The following MTMR14 variants were observed in gnomAD, a reference collection of about 807,000 sequenced individuals.
MTMR14 encodes myotubularin related protein 14.
Under a neutral mutation model 86.3 loss-of-function variants are expected in MTMR14, and 48 were observed. The observed-to-expected ratio is 0.56, with a 90% CI of 0.44 to 0.71. MTMR14 has a LOEUF of 0.71. MTMR14 is among the 30% of genes least tolerant of loss of function. MTMR14 has a pLI of 0.00. For synonymous variants in MTMR14, 366 were observed against 326.1 expected (o/e 1.12, Z -1.32); for missense variants, 780 against 834.6 (o/e 0.93, Z 0.81).
At chr3:9,659,154 G>T (rs2047775977) in intron 2 of MTMR14, among the ~76,000 whole-genome samples, 1 of 152,162 alleles carries the variant, frequency 6.6e-6, no homozygotes, top group Non-Finnish European at 1.5e-5. Flanking sequence ...AGGATCACCT[G>T]AGCCCAGGAG....
In MTMR14 at chr3:9,702,007, C is replaced by G. The variant is rs1414169621; in HGVS notation, c.*34C>G. On this transcript the variant is annotated 3_prime_UTR_variant, in exon 19 of 19. Coordinates refer to ENST00000296003, the MANE Select transcript of MTMR14 (RefSeq NM_001077525.3). ...GCCCATGACATTTTCCTGCTCCTCT[C>G]TCAGCTGAGCCCTTAGCAGAGAATC... 4 of 1,612,854 alleles carry G rather than the reference C, an allele frequency of 2.5e-6. No individual in the cohort carries two copies. The highest frequency in any genetic ancestry group is 2.2e-5 in the East Asian group (1 of 44,888).
intron 1 of MTMR14, among the ~76,000 whole-genome samples, chr3:9,652,493 G>A (rs559213977): frequency 6.6e-6 from 1 of 152,090 alleles, no homozygotes; most frequent in East Asian, 1.9e-4. Flanking sequence ...TGGCTCACGC[G>A]TGTAATCCTA....
chr3:9,659,269 C>G (rs752831032), intron 2 of MTMR14, among the ~76,000 whole-genome samples: 2 of 152,106 alleles, frequency 1.3e-5, no homozygotes, highest in Non-Finnish European at 2.9e-5. Flanking sequence ...TAACATCTTG[C>G]CAGAAATTTC....
intron 2 of MTMR14, chr3:9,659,796 C>A: frequency 2.2e-6 from 1 of 456,694 alleles, no homozygotes; most frequent in South Asian, 1.5e-5. Flanking sequence ...CACTGGCCGA[C>A]CTAACAAGAA....
At chr3:9,656,218 C>T (rs1031427264) in intron 2 of MTMR14, among the ~76,000 whole-genome samples, 3 of 151,802 alleles carry the variant, frequency 2.0e-5, no homozygotes, top group Non-Finnish European at 4.4e-5. Context: ...AAAAGAGTGC[C>T]CATTTCACAA....
intron 18 of MTMR14, among the ~76,000 whole-genome samples, 193 bp downstream of exon 18, chr3:9,698,059 G>A (rs1268252404): frequency 2.0e-5 from 3 of 152,226 alleles, no homozygotes; most frequent in Non-Finnish European, 4.4e-5. Flanking sequence ...TGGTTTGTGT[G>A]TTCACTCTGC....
At chr3:9,679,078 G>A (rs146744442) in intron 9 of MTMR14, among the ~76,000 whole-genome samples, 23 of 152,346 alleles carry the variant, frequency 1.5e-4, no homozygotes, top group Middle Eastern at 3.4e-3. Flanking sequence ...GATCACCAAT[G>A]TCAGTACCCT....
intron 12 of MTMR14, 29 bp downstream of exon 12, chr3:9,684,993 G>A: frequency 1.2e-6 from 2 of 1,605,416 alleles, no homozygotes; most frequent in African/African-American, 2.7e-5. Context: ...TGGGTTTTGG[G>A]GCCTTAGTAA....
At chr3:9,660,139 A>G (rs2047840213) in intron 2 of MTMR14, among the ~76,000 whole-genome samples, 1 of 152,184 alleles carries the variant, frequency 6.6e-6, no homozygotes, top group Non-Finnish European at 1.5e-5. Flanking sequence ...ATTAATTGGT[A>G]CCAAGGTGCC....
chr3:9,653,732 T>C lies in MTMR14; in HGVS notation c.271T>C (p.Phe91Leu), dbSNP rs2047443337. 6.2e-7 allele frequency: 1 copy of C among 1,614,192 alleles called. No individual in the cohort carries two copies. Among genetic ancestry groups the C allele is most frequent in the Admixed American group, 1.7e-5 (1 of 60,006 alleles). The change falls in exon 2 of 19, where the codon TTC becomes CTC. Residue 91 changes from phenylalanine (F) to leucine (L), a missense_variant. Physicochemically the swap from Phe to Leu is conservative, Grantham distance 22. Coordinates refer to ENST00000296003, the MANE Select transcript of MTMR14 (RefSeq NM_001077525.3). Reference protein sequence around the residue: ...ICGHYPRHIVFLEYESSEKEK... With the variant: ...ICGHYPRHIVLLEYESSEKEK... ...TGGCCACTATCCCCGGCACATCGTGTTCCTGGAGTATGAGAGTTCTGAGAA... is the reference window on the plus strand; with the variant it reads ...TGGCCACTATCCCCGGCACATCGTGCTCCTGGAGTATGAGAGTTCTGAGAA...
intron 17 of MTMR14, among the ~76,000 whole-genome samples, chr3:9,697,095 C>A (rs1309877441): frequency 3.3e-5 from 5 of 152,210 alleles, no homozygotes; most frequent in African/African-American, 1.2e-4. Context: ...TCCCTCTGGG[C>A]ATAGCCACTG....
At chr3:9,685,391 A>G in intron 13 of MTMR14, 144 bp downstream of exon 13, 1 of 1,010,692 alleles carries the variant, frequency 9.9e-7, no homozygotes, top group Non-Finnish European at 1.5e-6. Context: ...CTCCTGAGGC[A>G]GCGTGGCAGG....
At chr3:9,672,495 A>C (rs908597349) in intron 6 of MTMR14, among the ~76,000 whole-genome samples, 190 bp from the exon 7 acceptor site, 5 of 152,224 alleles carry the variant, frequency 3.3e-5, no homozygotes, top group African/African-American at 1.2e-4. Flanking sequence ...CATGACCTCC[A>C]GCCGATGCAC....
At position 9,697,810 on chromosome 3, in the gene MTMR14, G is replaced by C; in HGVS notation, c.1713G>C (p.Leu571=). ...GCAGTATTCAGGAGCGGGCTGTCCT[G>C]CACACAGACTCCTCTCTCCCTTTCA... ...GCGSIQERAV[L]HTDSSLPFSF... The change falls in exon 18 of 19, where the codon CTG becomes CTC. Residue 571 remains leucine (L), a synonymous_variant. Transcript: ENST00000296003. 1 of 1,614,192 alleles carries C rather than the reference G, an allele frequency of 6.2e-7. No individual in the cohort carries two copies. Among genetic ancestry groups the C allele is most frequent in the Non-Finnish European group, 8.5e-7 (1 of 1,180,046 alleles).
In MTMR14 at chr3:9,662,279, C is replaced by A; in HGVS notation, c.321C>A (p.Thr107=). 1 of 1,612,840 alleles carries A rather than the reference C, an allele frequency of 6.2e-7. No homozygotes were observed. Among genetic ancestry groups the A allele is most frequent in the Non-Finnish European group, 8.5e-7 (1 of 1,179,788 alleles). The change falls in exon 3 of 19, where the codon ACC becomes ACA. Residue 107 remains threonine (T), a synonymous_variant. Transcript: ENST00000296003. ...SEKEKDTFES[T]VQVSKLQDLI... The stretch of plus-strand genomic sequence containing the variant: ...GCCTGTGTGTTAGGTTTGAGAGTAC[C>A]GTACAGGTGAGCAAGTTGCAAGACC...
At position 9,674,108 on chromosome 3, in the gene MTMR14, G is replaced by A. The variant is rs191704016; in HGVS notation, c.751+1350G>A. ...GTTTCCAGCTCCCAGGAGATGCTTC[G>A]GGGGTTCCACAGACTGAACTCTGCA... On this transcript the variant is annotated intron_variant, in intron 7 of 18. Transcript: ENST00000296003. Among the ~76,000 whole-genome samples, 310 of 152,252 alleles carry A rather than the reference G, an allele frequency of 2.0e-3. 3 individuals carry two copies. The highest frequency in any genetic ancestry group is 6.7e-3 in the African/African-American group (280 of 41,544).
intron 17 of MTMR14, among the ~76,000 whole-genome samples, chr3:9,690,699 C>T (rs1018168289): frequency 8.5e-5 from 13 of 152,208 alleles, no homozygotes; most frequent in African/African-American, 3.1e-4. Flanking sequence ...AAGCTGAGCA[C>T]AGGCCAGAGG....
chr3:9,684,757 C>T (rs906266395), intron 11 of MTMR14, 87 bp downstream of exon 11: 12 of 1,552,848 alleles, frequency 7.7e-6, no homozygotes, highest in East Asian at 2.2e-5. Flanking sequence ...GGGATGCCAT[C>T]GCTCAGAGCA....
At chr3:9,688,850 T>TC in intron 15 of MTMR14, 94 bp from the exon 16 acceptor site, 3 of 1,611,220 alleles carry the variant, frequency 1.9e-6, no homozygotes, top group South Asian at 2.2e-5. Flanking sequence ...TTTTTGTTTT[T>TC]TTTTTTTTCT....
Sources: allele counts gnomAD v4.1 joint callset (sites outside exome capture counted in the v4.1 genomes callset), GRCh38; gene constraint gnomAD v4.1.1; transcripts MANE v1.5; gene names NCBI Gene and HGNC (gene_info 2026-07-23, HGNC 2026-07-21).